The following ZNF20 variants were observed in gnomAD, a reference collection of about 807,000 sequenced individuals.
ZNF20 encodes the protein zinc finger protein KOX13.
In ZNF20, 9 loss-of-function variants were observed where a neutral mutation model predicts 11.0. That is an observed-to-expected ratio of 0.82 (90% confidence interval 0.49 to 1.43). ZNF20 has a LOEUF of 1.43. Ranked by LOEUF, ZNF20 falls within the 40% of genes most tolerant of loss-of-function variation. ZNF20 has a pLI of 0.00. For synonymous variants in ZNF20, 182 were observed against 213.0 expected (o/e 0.85, Z 1.27); for missense variants, 528 against 640.8 (o/e 0.82, Z 1.90).
rs760364818 is a variant in ZNF20 at position 12,133,901 on chromosome 19, G to T, written c.285C>A (p.Asn95Lys). 1.9e-6 allele frequency: 3 copies of T among 1,614,122 alleles called. No individual in the cohort carries two copies. The highest frequency in any genetic ancestry group is 2.5e-6 in the Non-Finnish European group (3 of 1,180,014). ...GTGTTATTCCAGGAAGAGTTTTCCTGTTCAGCATGTCATCTGCAATCTGGT... is the reference window on the plus strand; with the variant it reads ...GTGTTATTCCAGGAAGAGTTTTCCTTTTCAGCATGTCATCTGCAATCTGGT... ...SFNQIADDML[N>K]RKTLPGITPC... Residue 95 changes from asparagine to lysine, a missense_variant, in exon 4 of 4, where the codon AAC becomes AAA. By Grantham distance (94) the Asn-to-Lys change is moderately conservative (BLOSUM62 0). Transcript: ENST00000334213.
Position 12,133,080 on chromosome 19 carries a change from C to T in ZNF20, c.1106G>A (p.Cys369Tyr). 1.2e-6 allele frequency: 2 copies of T among 1,614,138 alleles called. No homozygotes were observed. Among genetic ancestry groups the T allele is most frequent in the Non-Finnish European group, 1.7e-6 (2 of 1,180,016 alleles). The change falls in exon 4 of 4, where the codon TGT (cysteine) becomes TAT (tyrosine). Residue 369 changes from cysteine to tyrosine, a missense_variant. Physicochemically the swap from Cys to Tyr is radical, Grantham distance 194. Coordinates refer to ENST00000334213, the MANE Select transcript of ZNF20 (RefSeq NM_021143.4). Reference sequence around the variant, plus strand: ...TCTAAAGCCTTTCCCACACTGCTTACATCCATAGGGTTTATCCTCAGTGTG... The same window carrying T: ...TCTAAAGCCTTTCCCACACTGCTTATATCCATAGGGTTTATCCTCAGTGTG... Reference protein sequence around the residue: ...KTHTEDKPYGCKQCGKGFRCA... With the variant: ...KTHTEDKPYGYKQCGKGFRCA...
rs1018121983 is a variant in ZNF20, at chr19:12,133,542, A to C, written c.644T>G (p.Leu215Arg). ...ACCAGTGTGAATTCGTTCATGGATA[A>C]GACATAAATTGAGAAAATAGAAGGC... ...GKAFYFLNLC[L>R]IHERIHTGVK... The change falls in exon 4 of 4, where the codon CTT (leucine) becomes CGT (arginine). Residue 215 changes from leucine to arginine, a missense_variant. Leu to Arg is a moderately radical substitution (Grantham distance 102, BLOSUM62 -2). Coordinates refer to ENST00000334213, the MANE Select transcript of ZNF20 (RefSeq NM_021143.4). 1 of 1,614,186 alleles carries C rather than the reference A, an allele frequency of 6.2e-7. No individual in the cohort carries two copies. Among genetic ancestry groups the C allele is most frequent in the East Asian group, 2.2e-5 (1 of 44,856 alleles).
Position 12,140,196 on chromosome 19 carries a change from G to A in ZNF20, c.-14C>T. The A allele has an allele frequency of 6.2e-7, 1 of 1,601,826 alleles. No individual in the cohort carries two copies. The highest frequency in any genetic ancestry group is 8.5e-7 in the Non-Finnish European group (1 of 1,173,952). ...TACACTCACCATTTCCCGGCTTCTG[G>A]GTGTCCCGGTGTCCTCTCTAGGGCT... is the stretch of plus-strand genomic sequence containing the variant. On this transcript the variant is annotated 5_prime_UTR_variant, in exon 1 of 4. Transcript: ENST00000334213.
chr19:12,137,929 G>A (rs1976738174), intron 1 of ZNF20, among the ~76,000 whole-genome samples: 1 of 152,178 alleles, frequency 6.6e-6, no homozygotes, highest in South Asian at 2.1e-4. Flanking sequence ...TAGATGAAGA[G>A]TGTACCAGGA....
At position 12,132,503 on chromosome 19, in the gene ZNF20, TTCTTTCACCACTC is replaced by T; in HGVS notation, c.*71_*83del. 2 of 1,383,832 alleles carry T rather than the reference TTCTTTCACCACTC, an allele frequency of 1.4e-6. No homozygotes were observed. Among genetic ancestry groups the T allele is most frequent in the Non-Finnish European group, 2.0e-6 (2 of 1,020,214 alleles). 85.7% of individuals were successfully genotyped at this position (1,383,832 alleles called of 1,614,324 possible). ...AATTCAAAAAGCAGTTATCCAGAGG[TTCTTTCACCACTC>T]TCTTTTCTTGTGTTTCAAAGGAAGT... On this transcript the variant is annotated 3_prime_UTR_variant, in exon 4 of 4. Coordinates refer to ENST00000334213, the MANE Select transcript of ZNF20 (RefSeq NM_021143.4).
chr19:12,133,953 TCTTTA>T lies in ZNF20; in HGVS notation c.228_232del (p.Ser76ArgfsTer15). ...GAAGCTTTCTCCACAGTGATGACTT[TCTTTA>T]CTTTCACAGAGTTTCTCTCTCATAA... On this transcript the variant is annotated frameshift_variant, in exon 4 of 4. Transcript: ENST00000334213. LOFTEE classifies it low-confidence loss of function (END_TRUNC). 6.2e-7 allele frequency: 1 copy of T among 1,610,432 alleles called. No homozygotes were observed. The highest frequency in any genetic ancestry group is 8.5e-7 in the Non-Finnish European group (1 of 1,178,212).
intron 1 of ZNF20, among the ~76,000 whole-genome samples, chr19:12,138,735 C>A (rs1976751941): frequency 6.6e-6 from 1 of 152,016 alleles, no homozygotes; most frequent in African/African-American, 2.4e-5. Flanking sequence ...AGGAGAATCA[C>A]TTGAACCCGG....
At position 12,133,148 on chromosome 19, in the gene ZNF20, T is replaced by A; in HGVS notation, c.1038A>T (p.Lys346Asn). Residue 346 changes from lysine to asparagine, a missense_variant, in exon 4 of 4, where the codon AAA (lysine) becomes AAT (asparagine). Physicochemically the swap from Lys to Asn is moderately conservative, Grantham distance 94. Coordinates refer to ENST00000334213, the MANE Select transcript of ZNF20 (RefSeq NM_021143.4). ...GAAGGTCCGAGGTACATCTGAAGGC[T>A]TTACCACATTGCCTACATTCATAGG... ...EKPYECRQCG[K>N]AFRCTSDLQR... 2 of 1,612,918 alleles carry A rather than the reference T, an allele frequency of 1.2e-6. No homozygotes were observed. Among genetic ancestry groups the A allele is most frequent in the Non-Finnish European group, 1.7e-6 (2 of 1,179,552 alleles).
chr19:12,133,434 C>T lies in ZNF20; in HGVS notation c.752G>A (p.Gly251Glu), dbSNP rs1568382862. 6.2e-7 allele frequency: 1 copy of T among 1,614,096 alleles called. No individual in the cohort carries two copies. The highest frequency in any genetic ancestry group is 1.7e-5 in the Admixed American group (1 of 60,032). The part of the protein sequence containing the change: ...TLPVHERTHT[G>E]VNADECKECG... ...TTCTTTACATTCATCGGCATTCACT[C>T]CTGTGTGAGTTCTTTCATGTACTGG... Residue 251 changes from glycine (G) to glutamate (E), a missense_variant, in exon 4 of 4, where the codon GGA becomes GAA. Physicochemically the swap from Gly to Glu is moderately conservative, Grantham distance 98 (BLOSUM62 -2). Coordinates refer to ENST00000334213, the MANE Select transcript of ZNF20 (RefSeq NM_021143.4).
chr19:12,135,752 A>G lies in ZNF20; in HGVS notation c.139+17T>C. On this transcript the variant is annotated intron_variant, in intron 2 of 3. Coordinates refer to ENST00000334213, the MANE Select transcript of ZNF20 (RefSeq NM_021143.4). ...TTTGTTCTCTAATTCACTGGGAAGT[A>G]ATATTGTCATTCTTACCTACAGAGG... 6.2e-7 allele frequency: 1 copy of G among 1,612,708 alleles called. No homozygotes were observed. Among genetic ancestry groups the G allele is most frequent in the Non-Finnish European group, 8.5e-7 (1 of 1,179,598 alleles).
chr19:12,133,412 T>G lies in ZNF20; in HGVS notation c.774A>C (p.Lys258Asn), dbSNP rs1277158482. The change falls in exon 4 of 4, where the codon AAA becomes AAC. Residue 258 changes from lysine (K) to asparagine (N), a missense_variant. By Grantham distance (94) the Lys-to-Asn change is moderately conservative (BLOSUM62 0). Transcript: ENST00000334213. ...THTGVNADEC[K>N]ECGNAFSFPS... ...GAAAACTGAATGCATTCCCACATTC[T>G]TTACATTCATCGGCATTCACTCCTG... is the stretch of plus-strand genomic sequence containing the variant. The G allele has an allele frequency of 6.2e-7, 1 of 1,614,136 alleles. No homozygotes were observed. Among genetic ancestry groups the G allele is most frequent in the Non-Finnish European group, 8.5e-7 (1 of 1,179,972 alleles).
At chr19:12,138,412 A>C (rs1599434745) in intron 1 of ZNF20, among the ~76,000 whole-genome samples, 1 of 144,688 alleles carries the variant, frequency 6.9e-6, no homozygotes, top group East Asian at 2.1e-4. Context: ...CGCCACTTCA[A>C]TTCAGCCTGG....
Position 12,140,214 on chromosome 19 carries a change from C to A in ZNF20, c.-32G>T. 6.3e-7 allele frequency: 1 copy of A among 1,599,054 alleles called. No individual in the cohort carries two copies. Among genetic ancestry groups the A allele is most frequent in the Non-Finnish European group, 8.5e-7 (1 of 1,172,536 alleles). ...GCTTCTGGGTGTCCCGGTGTCCTCT[C>A]TAGGGCTCCCGTGAATAGTGCGGGT... On this transcript the variant is annotated 5_prime_UTR_variant, in exon 1 of 4. Transcript: ENST00000334213.
Position 12,135,910 on chromosome 19 carries a change from A to G in ZNF20, c.4-6T>C, listed in dbSNP as rs2145599918. Reference sequence around the variant, plus strand: ...GCCACTGAATCCTGAAACATCTCACATATATAAAAGAGGACAGGTAAGACT... The same window carrying G: ...GCCACTGAATCCTGAAACATCTCACGTATATAAAAGAGGACAGGTAAGACT... On this transcript the variant is annotated splice_region_variant and splice_polypyrimidine_tract_variant and intron_variant, in intron 1 of 3. Transcript: ENST00000334213. 6.2e-7 allele frequency: 1 copy of G among 1,613,862 alleles called. No individual in the cohort carries two copies. The highest frequency in any genetic ancestry group is 8.5e-7 in the Non-Finnish European group (1 of 1,179,944).
chr19:12,132,402 G>T lies in ZNF20; in HGVS notation c.*185C>A. On this transcript the variant is annotated 3_prime_UTR_variant, in exon 4 of 4. Transcript: ENST00000334213. The stretch of plus-strand genomic sequence containing the variant: ...TGCCTTTGAAATCTCATGCAAGATT[G>T]GCTATAGGTGAATTGTATTACGAAA... 2 of 602,272 alleles carry T rather than the reference G, an allele frequency of 3.3e-6. No homozygotes were observed. The highest frequency in any genetic ancestry group is 5.6e-6 in the Non-Finnish European group (2 of 359,918). 37.3% of individuals were successfully genotyped at this position (602,272 alleles called of 1,614,324 possible). A position where few individuals can be genotyped will look rare whatever the true frequency, so the allele number is the denominator to read the frequency against.
Position 12,133,806 on chromosome 19 carries a change from T to C in ZNF20, c.380A>G (p.Asp127Gly), listed in dbSNP as rs1425525977. The C allele has an allele frequency of 6.2e-7, 1 of 1,614,124 alleles. No homozygotes were observed. Among genetic ancestry groups the C allele is most frequent in the African/African-American group, 1.3e-5 (1 of 74,942 alleles). ...ATACTCAGATGACTTGTGTCCAGTG[T>C]CAGCTCTGATATGCGTATTAAGAGA... is the stretch of plus-strand genomic sequence containing the variant. ...HSSLNTHIRA[D>G]TGHKSSEYQE... Residue 127 changes from aspartate (D) to glycine (G), a missense_variant, in exon 4 of 4, where the codon GAC becomes GGC. Asp to Gly is a moderately conservative substitution (Grantham distance 94, BLOSUM62 -1). Coordinates refer to ENST00000334213, the MANE Select transcript of ZNF20 (RefSeq NM_021143.4).
At chr19:12,136,894 A>G in intron 1 of ZNF20, 1 of 437,746 alleles carries the variant, frequency 2.3e-6, no homozygotes, top group Non-Finnish European at 4.6e-6. Context: ...AGAACAAACA[A>G]TCTTTGAAGC....
chr19:12,131,754 T>C lies in ZNF20; in HGVS notation c.*833A>G. 1 of 152,264 alleles carries C rather than the reference T, an allele frequency of 6.6e-6. No individual in the cohort carries two copies. Among genetic ancestry groups the C allele is most frequent in the Middle Eastern group, 3.2e-3 (1 of 316 alleles). The allele number at this position is 152,264 out of a possible 1,614,324, so 9.4% of individuals were successfully genotyped here. On this transcript the variant is annotated 3_prime_UTR_variant, in exon 4 of 4. Transcript: ENST00000334213. ...AATAATAATTGTTAGTATGCAGTTG[T>C]TATAAACAGTTAATAAGCTTATTTC... is the stretch of plus-strand genomic sequence containing the variant.
intron 3 of ZNF20, among the ~76,000 whole-genome samples, chr19:12,134,745 T>C (rs1241234632): frequency 6.6e-6 from 1 of 152,230 alleles, no homozygotes; most frequent in Admixed American, 6.5e-5. Context: ...GTCTGAATCA[T>C]TTGAATATTA....
Sources: gnomAD v4.1 joint callset for allele counts (sites outside exome capture counted in the v4.1 genomes callset) on GRCh38, gnomAD v4.1.1 for gene constraint, MANE v1.5 for transcripts, NCBI Gene and HGNC (gene_info 2026-07-23, HGNC 2026-07-21) for gene names.